Variants in CDKAL1 observed in about 807,000 individuals in gnomAD.
CDKAL1 encodes the protein threonylcarbamoyladenosine tRNA methylthiotransferase.
In CDKAL1, 32 loss-of-function variants were observed where a neutral mutation model predicts 68.2. The observed-to-expected ratio is 0.47, with a 90% CI of 0.35 to 0.63. CDKAL1 has a LOEUF of 0.63. CDKAL1 is among the 30% of genes least tolerant of loss of function. CDKAL1 has a pLI of 0.00. For synonymous variants in CDKAL1, 234 were observed against 244.3 expected (o/e 0.96, Z 0.39); for missense variants, 606 against 696.7 (o/e 0.87, Z 1.47).
chr6:21,187,242 G>T (rs555333629), intron 13 of CDKAL1, among the ~76,000 whole-genome samples: 1 of 152,260 alleles, frequency 6.6e-6, no homozygotes, highest in East Asian at 1.9e-4. Context: ...TGGCAGGATA[G>T]AATCCATTTT....
intron 11 of CDKAL1, among the ~76,000 whole-genome samples, chr6:21,035,392 T>C (rs984076698): frequency 6.6e-6 from 1 of 152,122 alleles, no homozygotes; most frequent in Non-Finnish European, 1.5e-5. Context: ...TTTTACTGTT[T>C]AAAATATTAT....
chr6:21,226,516 G>T (rs921190574), intron 15 of CDKAL1, among the ~76,000 whole-genome samples: 27 of 152,266 alleles, frequency 1.8e-4, no homozygotes, highest in Middle Eastern at 3.4e-3. Flanking sequence ...ATTTTAGTGC[G>T]CCCCTTAGTC....
chr6:20,865,867 C>G (rs969818468), intron 9 of CDKAL1, among the ~76,000 whole-genome samples: 1 of 152,084 alleles, frequency 6.6e-6, no homozygotes, highest in Non-Finnish European at 1.5e-5. Context: ...TCTATGTGCC[C>G]CTCATGCCAC....
intron 9 of CDKAL1, among the ~76,000 whole-genome samples, chr6:20,897,523 G>A (rs1272872857): frequency 6.6e-6 from 1 of 152,112 alleles, no homozygotes; most frequent in Non-Finnish European, 1.5e-5. Context: ...ACATACATCT[G>A]TAATATAGAA....
intron 4 of CDKAL1, among the ~76,000 whole-genome samples, chr6:20,568,078 C>T (rs951832163): frequency 2.0e-5 from 3 of 152,062 alleles, no homozygotes; most frequent in Admixed American, 2.0e-4. Context: ...GGGGTTTCAC[C>T]GTGGTGGCCA....
At chr6:20,948,454 T>C (rs547988915) in intron 9 of CDKAL1, among the ~76,000 whole-genome samples, 1 of 152,354 alleles carries the variant, frequency 6.6e-6, no homozygotes, top group South Asian at 2.1e-4. Context: ...TTTTTTACTT[T>C]TCTTTACCTT....
At chr6:21,033,605 C>T (rs1012008905) in intron 11 of CDKAL1, among the ~76,000 whole-genome samples, 6 of 152,002 alleles carry the variant, frequency 3.9e-5, no homozygotes, top group Admixed American at 6.6e-5. Context: ...ACCCAAGCTA[C>T]GGGAAAAGTG....
intron 11 of CDKAL1, among the ~76,000 whole-genome samples, chr6:21,039,164 G>A (rs1769769285): frequency 6.6e-6 from 1 of 152,150 alleles, no homozygotes; most frequent in Admixed American, 6.6e-5. Flanking sequence ...GATCAGCTGT[G>A]TTATTACATT....
chr6:20,995,968 C>G (rs1363257362), intron 10 of CDKAL1, among the ~76,000 whole-genome samples: 3 of 152,228 alleles, frequency 2.0e-5, no homozygotes, highest in Admixed American at 2.0e-4. Flanking sequence ...GCTAAGTCTT[C>G]TGGATAATTT....
intron 10 of CDKAL1, among the ~76,000 whole-genome samples, chr6:20,993,203 A>G (rs1766931720): frequency 6.6e-6 from 1 of 152,212 alleles, no homozygotes; most frequent in South Asian, 2.1e-4. Flanking sequence ...AATCCCGTGA[A>G]TATACTAAAA....
chr6:20,790,887 A>G (rs1159006236), intron 8 of CDKAL1, among the ~76,000 whole-genome samples: 1 of 152,174 alleles, frequency 6.6e-6, no homozygotes, highest in Non-Finnish European at 1.5e-5. Context: ...TGAGTACACA[A>G]AAAAGGTTAA....
At chr6:21,138,215 TTGTG>T (rs1032775810) in intron 13 of CDKAL1, among the ~76,000 whole-genome samples, 2 of 119,654 alleles carry the variant, frequency 1.7e-5, no homozygotes, top group African/African-American at 6.9e-5. Flanking sequence ...TAACCCACAT[TTGTG>T]TGTGTGTATG....
chr6:20,535,435 C>T (rs1219512228), intron 2 of CDKAL1, 41 bp downstream of exon 2: 1 of 152,220 alleles, frequency 6.6e-6, no homozygotes, highest in Non-Finnish European at 1.5e-5. Flanking sequence ...GAGTGCTGTG[C>T]GTATTTCTGC....
chr6:20,978,439 C>T (rs1765953932), intron 10 of CDKAL1, among the ~76,000 whole-genome samples: 1 of 152,146 alleles, frequency 6.6e-6, no homozygotes. Context: ...TTATTACATC[C>T]AGATGAGACT....
chr6:20,843,277 TTA>T (rs1303910461), intron 8 of CDKAL1, among the ~76,000 whole-genome samples: 2 of 152,068 alleles, frequency 1.3e-5, no homozygotes, highest in African/African-American at 4.8e-5. Flanking sequence ...ATCAATTCAT[TTA>T]TGTTATAAAT....
intron 8 of CDKAL1, among the ~76,000 whole-genome samples, chr6:20,835,737 C>G (rs985558082): frequency 6.6e-6 from 1 of 151,746 alleles, no homozygotes; most frequent in Non-Finnish European, 1.5e-5. Flanking sequence ...TTTAGTAGAG[C>G]CAGGGTTTTG....
rs1561796317 is a variant in CDKAL1, at chr6:20,810,406, A to ATGT, written c.638+29141_638+29142insTGT. 1.9e-3 allele frequency among the ~76,000 whole-genome samples: 144 copies of ATGT among 74,658 alleles called. 1 individual carries two copies. The East Asian group carries it at 0.022, about 12-fold the overall frequency. 49.0% of individuals were successfully genotyped at this position (74,658 alleles called of 152,430 possible). A position where few individuals can be genotyped will look rare whatever the true frequency, so the allele number is the denominator to read the frequency against. ...CTCTCTCTCTGTCACACACACACACACACACACACACACACACACACACAC... is the reference window on the plus strand; with the variant it reads ...CTCTCTCTCTGTCACACACACACACATGTCACACACACACACACACACACACAC... On this transcript the variant is annotated intron_variant, in intron 8 of 15. Transcript: ENST00000274695.
At chr6:21,159,457 T>A (rs1303480546) in intron 13 of CDKAL1, among the ~76,000 whole-genome samples, 2 of 152,222 alleles carry the variant, frequency 1.3e-5, no homozygotes, top group Non-Finnish European at 2.9e-5. Flanking sequence ...TTATACAAGC[T>A]GTCATAGCAA....
At chr6:21,101,254 A>G (rs1054243863) in intron 12 of CDKAL1, among the ~76,000 whole-genome samples, 1 of 152,174 alleles carries the variant, frequency 6.6e-6, no homozygotes, top group Non-Finnish European at 1.5e-5. Context: ...GATCGTCTTG[A>G]CTAGTGTTTC....
Sources: allele counts gnomAD v4.1 joint callset (sites outside exome capture counted in the v4.1 genomes callset), GRCh38; gene constraint gnomAD v4.1.1; transcripts MANE v1.5; gene names NCBI Gene and HGNC (gene_info 2026-07-23, HGNC 2026-07-21).